The following ERICH5 variants were observed in gnomAD, a reference collection of about 807,000 sequenced individuals.
The protein encoded by ERICH5 is glutamate-rich protein 5.
Under a neutral mutation model 28.0 loss-of-function variants are expected in ERICH5, and 24 were observed. That is an observed-to-expected ratio of 0.86 (90% confidence interval 0.62 to 1.21). The LOEUF (loss-of-function observed/expected upper bound fraction) is 1.21. ERICH5 is among the 50% of genes most tolerant of loss of function. The probability of loss-of-function intolerance (pLI) is 0.00; values close to 1 mark genes in which losing one functional copy is unlikely to be tolerated. For synonymous variants in ERICH5, 163 were observed against 157.6 expected, an observed-to-expected ratio of 1.03 and a Z score of -0.25; for missense variants, 421 against 441.2, an observed-to-expected ratio of 0.95 and a Z score of 0.41.
At chr8:98,068,695 A>G (rs939352840) in intron 1 of ERICH5, among the ~76,000 whole-genome samples, 3 of 152,194 alleles carry the variant, frequency 2.0e-5, no homozygotes, top group East Asian at 3.8e-4. Flanking sequence ...AACATGGATA[A>G]TCACTGCTCG....
rs1815350793 is a variant in ERICH5 at position 98,089,866 on chromosome 8, T to C, written c.849T>C (p.Asn283=). Residue 283 remains asparagine (N), a synonymous_variant, in exon 2 of 3, where the codon AAT becomes AAC. Transcript: ENST00000318528. ...RSQLVEKPVM[N]DPFHKTPEGP... is the part of the protein sequence containing the mutation. ...AGCTTGTGGAAAAGCCTGTTATGAA[T>C]GATCCATTCCATAAAACTCCTGAAG... 1.2e-6 allele frequency: 2 copies of C among 1,614,060 alleles called. No individual in the cohort carries two copies. The highest frequency in any genetic ancestry group is 2.7e-5 in the African/African-American group (2 of 74,926).
chr8:98,072,844 C>A lies in ERICH5; in HGVS notation c.58+8117C>A, dbSNP rs149787124. Among the ~76,000 whole-genome samples, 917 of 152,106 alleles carry A rather than the reference C, an allele frequency of 6.0e-3. 7 individuals carry two copies. Among genetic ancestry groups the A allele is most frequent in the African/African-American group, 0.019 (804 of 41,492 alleles). ...CACTGTTAATGATAATTATAATGAA[C>A]CTTTTGTCTTTTATTTTTTTTCTGT... On this transcript the variant is annotated intron_variant, in intron 1 of 2. Coordinates refer to ENST00000318528, the MANE Select transcript of ERICH5 (RefSeq NM_173549.3).
intron 1 of ERICH5, 52 bp from the exon 2 acceptor site, chr8:98,089,024 C>A: frequency 7.4e-7 from 1 of 1,356,730 alleles, no homozygotes. Flanking sequence ...TAAAACTAAA[C>A]AATAATTTGT....
intron 2 of ERICH5, 111 bp downstream of exon 2, chr8:98,090,140 G>C (rs545919229): frequency 2.6e-6 from 2 of 767,770 alleles, no homozygotes; most frequent in Non-Finnish European, 4.0e-6. Context: ...CTTTCAGGTG[G>C]TTGAAGTTCG....
chr8:98,091,892 CT>C (rs1376791054), intron 2 of ERICH5, among the ~76,000 whole-genome samples: 16 of 52,766 alleles, frequency 3.0e-4, no homozygotes, highest in African/African-American at 6.6e-4. Flanking sequence ...TTCTTTCTTT[CT>C]TTCTTTCCTT....
intron 1 of ERICH5, among the ~76,000 whole-genome samples, chr8:98,079,006 G>A (rs1815115032): frequency 6.6e-6 from 1 of 152,106 alleles, no homozygotes; most frequent in Non-Finnish European, 1.5e-5. Context: ...GTATGGTGAG[G>A]ATTCACAAAA....
chr8:98,064,675 C>A lies in ERICH5; in HGVS notation c.6C>A (p.Gly2=). 6.5e-7 allele frequency: 1 copy of A among 1,535,334 alleles called. No individual in the cohort carries two copies. Among genetic ancestry groups the A allele is most frequent in the Non-Finnish European group, 8.8e-7 (1 of 1,142,140 alleles). ...AGGTGTCTGCGCTCCCCGCAATGGG[C>A]TGCTCCAGCAGCGCCCTCAACAAGG... M[G]CSSSALNKAG... The change falls in exon 1 of 3, where the codon GGC becomes GGA. Residue 2 remains glycine (G), a synonymous_variant. Coordinates refer to ENST00000318528, the MANE Select transcript of ERICH5 (RefSeq NM_173549.3).
intron 1 of ERICH5, among the ~76,000 whole-genome samples, chr8:98,087,955 T>C (rs1209067938): frequency 6.6e-6 from 1 of 152,116 alleles, no homozygotes; most frequent in Non-Finnish European, 1.5e-5. Context: ...GTGTGGTGGC[T>C]CATGCCTATA....
chr8:98,082,949 C>T (rs944433684), intron 1 of ERICH5, among the ~76,000 whole-genome samples: 12 of 152,168 alleles, frequency 7.9e-5, no homozygotes, highest in Admixed American at 2.0e-4. Flanking sequence ...CAAAAATTGA[C>T]GGATCACTTG....
chr8:98,080,132 G>GT (rs2130522172), intron 1 of ERICH5, among the ~76,000 whole-genome samples: 1 of 152,336 alleles, frequency 6.6e-6, no homozygotes, highest in African/African-American at 2.4e-5. Flanking sequence ...TGAGAAGCTT[G>GT]TACAGCTGTG....
chr8:98,093,297 A>G lies in ERICH5; in HGVS notation c.1089A>G (p.Glu363=), dbSNP rs772344006. The change falls in exon 3 of 3, where the codon GAA becomes GAG. Residue 363 remains glutamate, a synonymous_variant. Coordinates refer to ENST00000318528, the MANE Select transcript of ERICH5 (RefSeq NM_173549.3). The part of the protein sequence containing the change: ...VSEGAETKEE[E]TGEVVDLSAA... ...AAGGGGCTGAAACCAAAGAAGAAGA[A>G]ACAGGAGAAGTGGTGGACCTTTCAG... 6.2e-7 allele frequency: 1 copy of G among 1,613,988 alleles called. No individual in the cohort carries two copies. The highest frequency in any genetic ancestry group is 2.2e-5 in the East Asian group (1 of 44,876).
In ERICH5 at chr8:98,089,239, T is replaced by C. The variant is rs768835607; in HGVS notation, c.222T>C (p.Asn74=). The C allele has an allele frequency of 1.6e-5, 26 of 1,614,076 alleles. No homozygotes were observed. Among genetic ancestry groups the C allele is most frequent in the Non-Finnish European group, 8.5e-7 (1 of 1,180,048 alleles). The change falls in exon 2 of 3, where the codon AAT becomes AAC. Residue 74 remains asparagine, a synonymous_variant. Coordinates refer to ENST00000318528, the MANE Select transcript of ERICH5 (RefSeq NM_173549.3). ...KLKVSAEPTA[N]GVKPLQEQPL... ...AGGTTTCAGCAGAGCCTACAGCTAA[T>C]GGTGTTAAACCCCTCCAAGAACAGC...
intron 1 of ERICH5, among the ~76,000 whole-genome samples, chr8:98,067,763 G>C (rs1016307285): frequency 4.5e-4 from 68 of 151,884 alleles, no homozygotes; most frequent in African/African-American, 1.5e-3. Flanking sequence ...TTACAGGCAT[G>C]TGCCACCACA....
chr8:98,092,034 A>G (rs1244867601), intron 2 of ERICH5, among the ~76,000 whole-genome samples: 3 of 13,750 alleles, frequency 2.2e-4, no homozygotes, highest in Non-Finnish European at 5.3e-4. Flanking sequence ...TTTCGAGACA[A>G]GATCTTCAAG....
intron 1 of ERICH5, among the ~76,000 whole-genome samples, chr8:98,069,341 G>T (rs1398949500): frequency 6.6e-6 from 1 of 151,512 alleles, no homozygotes; most frequent in African/African-American, 2.4e-5. Context: ...CATCTATTTA[G>T]TTCGAATCAC....
chr8:98,083,857 A>C (rs1294611074), intron 1 of ERICH5, among the ~76,000 whole-genome samples: 1 of 151,950 alleles, frequency 6.6e-6, no homozygotes, highest in African/African-American at 2.4e-5. Context: ...CACTGCCCTA[A>C]ATCCATCTAT....
chr8:98,078,656 G>A (rs952978624), intron 1 of ERICH5, among the ~76,000 whole-genome samples: 1 of 152,056 alleles, frequency 6.6e-6, no homozygotes, highest in Non-Finnish European at 1.5e-5. Flanking sequence ...GTTTCTTTGT[G>A]TGCTTATCAC....
intron 2 of ERICH5, among the ~76,000 whole-genome samples, chr8:98,091,366 G>A (rs535494396): frequency 8.5e-5 from 13 of 152,348 alleles, no homozygotes; most frequent in African/African-American, 3.1e-4. Context: ...GGCAGGATGT[G>A]CGTGCATCAC....
In ERICH5 at chr8:98,089,297, G is replaced by A. The variant is rs370505778; in HGVS notation, c.280G>A (p.Ala94Thr). Residue 94 changes from alanine (A) to threonine (T), a missense_variant, in exon 2 of 3, where the codon GCC becomes ACC. Transcript: ENST00000318528. ...CAAGGACGTAGCCCCTGGAAGGGAT[G>A]CCACAGACCAATCAGGGTCCACAGA... ...LAKDVAPGRDATDQSGSTEKT... is the reference protein window; with the variant it reads ...LAKDVAPGRDTTDQSGSTEKT... The A allele has an allele frequency of 1.6e-5, 26 of 1,614,106 alleles. No individual in the cohort carries two copies. In the African/African-American group the frequency reaches 3.5e-4, roughly 22 times the overall value.
Sources: allele counts gnomAD v4.1 joint callset (sites outside exome capture counted in the v4.1 genomes callset), GRCh38; gene constraint gnomAD v4.1.1; transcripts MANE v1.5; gene names NCBI Gene and HGNC (gene_info 2026-07-23, HGNC 2026-07-21).